Variants in SLC26A5 observed in about 807,000 individuals in gnomAD.
The protein encoded by SLC26A5 is prestin.
A neutral mutation model predicts 81.0 loss-of-function variants in SLC26A5; 51 were observed. The observed-to-expected ratio is 0.63, with a 90% confidence interval of 0.50 to 0.80. The LOEUF (loss-of-function observed/expected upper bound fraction) is 0.80. SLC26A5 is among the 30% of genes least tolerant of loss of function. The pLI is 0.00. For synonymous variants in SLC26A5, 325 were observed against 332.8 expected (o/e 0.98, Z 0.25); for missense variants, 771 against 905.8 (o/e 0.85, Z 1.91).
chr7:103,364,220 A>G (rs370246510), intron 19 of SLC26A5: 3 of 1,614,070 alleles, frequency 1.9e-6, no homozygotes, highest in Non-Finnish European at 2.5e-6. Flanking sequence ...CAGGCAAGAC[A>G]CTCTGTGCGC....
At chr7:103,388,512 T>A (rs571999131) in intron 14 of SLC26A5, 131 of 223,100 alleles carry the variant, frequency 5.9e-4, no homozygotes, top group African/African-American at 2.2e-3. Flanking sequence ...TATATTTTTT[T>A]AATTTATTTT....
At chr7:103,410,278 A>G (rs1824379206) in intron 7 of SLC26A5, 107 bp downstream of exon 7, 1 of 976,992 alleles carries the variant, frequency 1.0e-6, no homozygotes, top group Non-Finnish European at 1.6e-6. Flanking sequence ...TATGGAAATT[A>G]CTGGAGAAAA....
intron 9 of SLC26A5, among the ~76,000 whole-genome samples, chr7:103,396,488 C>T (rs554743695): frequency 2.0e-4 from 30 of 152,256 alleles, no homozygotes; most frequent in African/African-American, 5.1e-4. Flanking sequence ...GAATATTATT[C>T]GGCCTTAAGA....
downstream of SLC26A5, among the ~76,000 whole-genome samples, chr7:103,371,640 T>G (rs377478998): frequency 4.3e-4 from 65 of 151,042 alleles, no homozygotes; most frequent in African/African-American, 1.5e-3. Flanking sequence ...CTACTGTCAA[T>G]CTATCAACCA....
At position 103,410,478 on chromosome 7, in the gene SLC26A5, G is replaced by A. The variant is rs781646786; in HGVS notation, c.642C>T (p.Thr214=). Residue 214 remains threonine, a synonymous_variant, in exon 7 of 20, where the codon ACC becomes ACT. Coordinates refer to ENST00000306312, the MANE Select transcript of SLC26A5 (RefSeq NM_198999.3). Reference sequence around the variant, plus strand: ...TGAAGACATGCACAGCTGCTGCGGTGGTAAACCCACGGACCAGAGGCTCTG... The same window carrying A: ...TGAAGACATGCACAGCTGCTGCGGTAGTAAACCCACGGACCAGAGGCTCTG... ...YLTEPLVRGF[T]TAAAVHVFTS... 4.1e-5 allele frequency: 66 copies of A among 1,613,930 alleles called. 1 individual carries two copies. In the South Asian group the frequency reaches 6.5e-4, roughly 16 times the overall value.
intron 4 of SLC26A5, among the ~76,000 whole-genome samples, chr7:103,419,234 T>TG (rs1825149838): frequency 1.3e-5 from 2 of 152,170 alleles, no homozygotes; most frequent in Admixed American, 6.5e-5. Context: ...GTTAGCACTG[T>TG]GAGAAGACTT....
chr7:103,401,044 G>A (rs749394711), intron 8 of SLC26A5, among the ~76,000 whole-genome samples: 2 of 152,154 alleles, frequency 1.3e-5, no homozygotes. Flanking sequence ...GGCTATGCGG[G>A]CCCTTTTTTG....
At chr7:103,403,841 TG>T (rs1202532795) in intron 8 of SLC26A5, among the ~76,000 whole-genome samples, 1 of 152,302 alleles carries the variant, frequency 6.6e-6, no homozygotes, top group Non-Finnish European at 1.5e-5. Flanking sequence ...TTTGCCAATC[TG>T]TGTCTTTCAG....
chr7:103,364,280 T>A, intron 19 of SLC26A5: 1 of 1,614,216 alleles, frequency 6.2e-7, no homozygotes, highest in Non-Finnish European at 8.5e-7. Context: ...TTATTGGATC[T>A]GAGCTTGTAC....
intron 18 of SLC26A5, among the ~76,000 whole-genome samples, chr7:103,377,114 T>C (rs1157412516): frequency 1.3e-5 from 2 of 152,220 alleles, no homozygotes; most frequent in African/African-American, 4.8e-5. Context: ...AAAACTATTA[T>C]ATTAACTTAA....
chr7:103,376,549 A>G (rs1331151442), intron 19 of SLC26A5, among the ~76,000 whole-genome samples: 1 of 152,174 alleles, frequency 6.6e-6, no homozygotes, highest in African/African-American at 2.4e-5. Flanking sequence ...TATTTATAGC[A>G]GCCATTAATA....
chr7:103,384,995 G>C (rs1217274441), intron 14 of SLC26A5, among the ~76,000 whole-genome samples: 2 of 151,944 alleles, frequency 1.3e-5, no homozygotes, highest in Non-Finnish European at 1.5e-5. Flanking sequence ...AATATAATAG[G>C]CCCTCAACAA....
At chr7:103,375,282 G>A (rs767783160) in intron 19 of SLC26A5, among the ~76,000 whole-genome samples, 10 of 151,424 alleles carry the variant, frequency 6.6e-5, no homozygotes, top group Non-Finnish European at 1.2e-4. Flanking sequence ...CTTTTGTTTG[G>A]TACTTGAGTT....
At chr7:103,430,076 CTT>C (rs34122107) in intron 2 of SLC26A5, among the ~76,000 whole-genome samples, 19,368 of 136,966 alleles carry the variant, frequency 0.14, 3,391 homozygotes, top group African/African-American at 0.41. Flanking sequence ...GGAAATGGCA[CTT>C]TTTTTTTTTT....
At chr7:103,388,889 C>T (rs985055290) in intron 14 of SLC26A5, 119 bp downstream of exon 14, 8 of 731,598 alleles carry the variant, frequency 1.1e-5, no homozygotes, top group East Asian at 2.8e-5. Context: ...CTCCCTCTCA[C>T]GCTAACTAGA....
intron 7 of SLC26A5, among the ~76,000 whole-genome samples, chr7:103,409,919 G>T (rs958005126): frequency 4.6e-5 from 7 of 152,048 alleles, no homozygotes; most frequent in Admixed American, 4.6e-4. Context: ...TTGTTAGCCA[G>T]GATAGTCTCG....
chr7:103,394,918 T>C (rs1211519845), intron 9 of SLC26A5, among the ~76,000 whole-genome samples: 2 of 152,162 alleles, frequency 1.3e-5, no homozygotes, highest in African/African-American at 2.4e-5. Flanking sequence ...TGAGCCACCA[T>C]GTAAAGAGGT....
intron 2 of SLC26A5, among the ~76,000 whole-genome samples, chr7:103,438,897 AT>A: frequency 6.6e-6 from 1 of 152,306 alleles, no homozygotes; most frequent in African/African-American, 2.4e-5. Flanking sequence ...TTGAAAATAC[AT>A]TTTAATAAAA....
intron 19 of SLC26A5, chr7:103,362,066 A>G: frequency 6.2e-7 from 1 of 1,613,134 alleles, no homozygotes. Context: ...ACCTACTGAC[A>G]TTGAAGAAGG....
Sources: gnomAD v4.1 joint callset for allele counts (sites outside exome capture counted in the v4.1 genomes callset) on GRCh38, gnomAD v4.1.1 for gene constraint, MANE v1.5 for transcripts, NCBI Gene and HGNC (gene_info 2026-07-23, HGNC 2026-07-21) for gene names.